Variants in CCSER1 observed in about 807,000 individuals in gnomAD.
CCSER1 encodes coiled-coil serine rich protein 1, also known as serine-rich coiled-coil domain-containing protein 1.
Under a neutral mutation model 82.0 loss-of-function variants are expected in CCSER1, and 41 were observed. The observed-to-expected ratio is 0.50, with a 90% confidence interval of 0.39 to 0.65. The LOEUF is 0.65. Ranked by LOEUF, CCSER1 falls within the 30% of genes least tolerant of loss-of-function variation. CCSER1 has a pLI of 0.00. For synonymous variants in CCSER1, 414 were observed against 383.9 expected (o/e 1.08, Z -0.92); for missense variants, 1,119 against 1,064.2 (o/e 1.05, Z -0.72).
intron 1 of CCSER1, among the ~76,000 whole-genome samples, chr4:90,268,733 C>T (rs1179046274): frequency 6.6e-6 from 1 of 151,898 alleles, no homozygotes; most frequent in Non-Finnish European, 1.5e-5. Flanking sequence ...GGATTACATG[C>T]ACCAATCAAA....
At chr4:91,418,208 A>G (rs1753481019) in intron 10 of CCSER1, among the ~76,000 whole-genome samples, 2 of 151,840 alleles carry the variant, frequency 1.3e-5, no homozygotes, top group Admixed American at 6.6e-5. Flanking sequence ...CAAAGTTAGC[A>G]TCAGGAAAGA....
intron 1 of CCSER1, among the ~76,000 whole-genome samples, chr4:90,287,366 G>A (rs1383685796): frequency 1.3e-5 from 2 of 151,878 alleles, no homozygotes; most frequent in Non-Finnish European, 1.5e-5. Flanking sequence ...TATAATAGGA[G>A]AAACCTTAAG....
At chr4:91,581,839 A>C (rs528742245) in intron 10 of CCSER1, among the ~76,000 whole-genome samples, 1 of 151,140 alleles carries the variant, frequency 6.6e-6, no homozygotes, top group Non-Finnish European at 1.5e-5. Context: ...CCACCTCCTA[A>C]ATACTAATAG....
chr4:91,137,788 A>G (rs2148922218), intron 10 of CCSER1, among the ~76,000 whole-genome samples: 1 of 152,020 alleles, frequency 6.6e-6, no homozygotes, highest in African/African-American at 2.4e-5. Flanking sequence ...TTATACACCA[A>G]CAACAGACAA....
rs919236950 is a variant in CCSER1, at chr4:90,982,198, C to T, written c.2172+58751C>T. On this transcript the variant is annotated intron_variant, in intron 9 of 10. Transcript: ENST00000509176. ...CTGGCAGACTGGTATCTGGTGAGGG[C>T]TCTTTTCCTGGTTTGCAGATGGCTA... Among the ~76,000 whole-genome samples, 6 of 151,766 alleles carry T rather than the reference C, an allele frequency of 4.0e-5. No individual in the cohort carries two copies. The South Asian group carries it at 8.3e-4, about 21-fold the overall frequency.
At chr4:91,237,814 C>A (rs1378523264) in intron 10 of CCSER1, among the ~76,000 whole-genome samples, 1 of 152,158 alleles carries the variant, frequency 6.6e-6, no homozygotes, top group Non-Finnish European at 1.5e-5. Context: ...TAAAAATGGT[C>A]TCTTTCTTCT....
At chr4:91,572,781 T>C (rs1397293367) in intron 10 of CCSER1, among the ~76,000 whole-genome samples, 1 of 148,500 alleles carries the variant, frequency 6.7e-6, no homozygotes, top group Admixed American at 6.7e-5. Flanking sequence ...GGGCAACATG[T>C]CAAAACCCTG....
intron 10 of CCSER1, among the ~76,000 whole-genome samples, chr4:91,153,227 C>T (rs1459356191): frequency 6.6e-6 from 1 of 151,906 alleles, no homozygotes; most frequent in Non-Finnish European, 1.5e-5. Context: ...TGTTTTTTCT[C>T]TAAACCTCTC....
At chr4:90,446,515 C>G (rs2153575781) in intron 4 of CCSER1, among the ~76,000 whole-genome samples, 1 of 152,034 alleles carries the variant, frequency 6.6e-6, no homozygotes, top group Admixed American at 6.6e-5. Flanking sequence ...TTATTTTGGT[C>G]AGCCCAAAAG....
In CCSER1 at chr4:90,822,114, A is replaced by C. The variant is rs78161616; in HGVS notation, c.2094+6269A>C. 6.8e-3 allele frequency among the ~76,000 whole-genome samples: 1,029 copies of C among 152,340 alleles called. 16 individuals carry two copies. Among genetic ancestry groups the C allele is most frequent in the African/African-American group, 0.024 (984 of 41,582 alleles). ...TATTTTTTAAGTAAGTTAGAGTTAA[A>C]TTACAAATGAAAACATAATAAATTT... is the stretch of plus-strand genomic sequence containing the variant. On this transcript the variant is annotated intron_variant, in intron 8 of 10. Coordinates refer to ENST00000509176, the MANE Select transcript of CCSER1 (RefSeq NM_001145065.2).
At chr4:91,442,817 T>C (rs1159504752) in intron 10 of CCSER1, among the ~76,000 whole-genome samples, 1 of 151,396 alleles carries the variant, frequency 6.6e-6, no homozygotes, top group Non-Finnish European at 1.5e-5. Flanking sequence ...GCAAAGGACA[T>C]GAACAGACAC....
At chr4:90,265,543 T>A (rs1024773216) in intron 1 of CCSER1, among the ~76,000 whole-genome samples, 2 of 151,946 alleles carry the variant, frequency 1.3e-5, no homozygotes, top group Non-Finnish European at 1.5e-5. Context: ...CACATTGCCA[T>A]GTTTTTAAAA....
chr4:90,615,305 G>T (rs1720978855), intron 5 of CCSER1, among the ~76,000 whole-genome samples: 1 of 152,126 alleles, frequency 6.6e-6, no homozygotes, highest in South Asian at 2.1e-4. Flanking sequence ...GAATTTTGAT[G>T]CTCAAGTCTT....
chr4:90,651,587 A>T (rs1050159952), intron 6 of CCSER1, among the ~76,000 whole-genome samples: 1 of 152,114 alleles, frequency 6.6e-6, no homozygotes, highest in Non-Finnish European at 1.5e-5. Flanking sequence ...TAGCTAATGT[A>T]GGTGACAGGT....
intron 7 of CCSER1, among the ~76,000 whole-genome samples, chr4:90,797,489 A>T (rs1430670832): frequency 1.3e-5 from 2 of 152,170 alleles, no homozygotes; most frequent in African/African-American, 4.8e-5. Flanking sequence ...TTCAAGGTTA[A>T]TATGGATATT....
At chr4:90,873,202 A>G (rs1258721402) in intron 8 of CCSER1, among the ~76,000 whole-genome samples, 1 of 152,072 alleles carries the variant, frequency 6.6e-6, no homozygotes, top group Non-Finnish European at 1.5e-5. Flanking sequence ...TTTAGGGCCA[A>G]TGACTTTTAG....
intron 3 of CCSER1, among the ~76,000 whole-genome samples, chr4:90,313,431 A>G (rs1029547074): frequency 6.6e-6 from 1 of 152,166 alleles, no homozygotes; most frequent in Non-Finnish European, 1.5e-5. Flanking sequence ...CACTTACTCC[A>G]GTACCACTCT....
intron 10 of CCSER1, among the ~76,000 whole-genome samples, chr4:91,378,622 G>A (rs182686842): frequency 1.1e-3 from 166 of 152,326 alleles, no homozygotes; most frequent in Non-Finnish European, 1.3e-3. Context: ...CTTTCCTGAA[G>A]TTGCTTATCA....
chr4:91,452,716 A>G (rs1189162790), intron 10 of CCSER1, among the ~76,000 whole-genome samples: 1 of 152,076 alleles, frequency 6.6e-6, no homozygotes, highest in East Asian at 1.9e-4. Context: ...AGCAAGTTCA[A>G]TGTTTGACCT....
Sources: allele counts gnomAD v4.1 joint callset (sites outside exome capture counted in the v4.1 genomes callset), GRCh38; gene constraint gnomAD v4.1.1; transcripts MANE v1.5; gene names NCBI Gene and HGNC (gene_info 2026-07-23, HGNC 2026-07-21).